The following COLEC12 variants were observed in gnomAD, a reference collection of about 807,000 sequenced individuals.
COLEC12 encodes the protein collectin subfamily member 12, also known as collectin-12.
A neutral mutation model predicts 71.1 loss-of-function variants in COLEC12; 33 were observed. The ratio of observed to expected loss-of-function variants is 0.46; its 90% CI spans 0.35 to 0.62. The LOEUF (loss-of-function observed/expected upper bound fraction) is 0.62. Among genes scored for constraint, COLEC12 ranks in the 20% least tolerant of loss-of-function variants. The pLI, the probability that COLEC12 is intolerant of heterozygous loss-of-function variation, is 0.00. For missense variants in COLEC12, 765 were observed against 916.1 expected (o/e 0.84, Z 2.13); for synonymous variants, 350 against 353.0 (o/e 0.99, Z 0.10).
chr18:319,333 A>ATATATATATATATAT lies in COLEC12; in HGVS notation c.*711_*712insATATATATATATATA, dbSNP rs1400580381. The ATATATATATATATAT allele has an allele frequency of 2.6e-4, 17 of 65,782 alleles. 1 individual carries two copies. Among genetic ancestry groups the ATATATATATATATAT allele is most frequent in the South Asian group, 1.1e-3 (2 of 1,744 alleles). The allele number at this position is 65,782 out of a possible 1,614,324, so 4.1% of individuals were successfully genotyped here. On this transcript the variant is annotated 3_prime_UTR_variant, in exon 10 of 10. Transcript: ENST00000400256. ...GGAAATGAAACATTAAAAAAAAAAAAAAAAAAAAATATATATATATATATA... is the reference window on the plus strand; with the variant it reads ...GGAAATGAAACATTAAAAAAAAAAAATATATATATATATATAAAAAAAAATATATATATATATATA...
chr18:473,583 G>A (rs540072905), intron 2 of COLEC12, among the ~76,000 whole-genome samples: 3 of 152,040 alleles, frequency 2.0e-5, no homozygotes, highest in Admixed American at 6.6e-5. Context: ...GGCTAATCTC[G>A]AACCCCTGAC....
intron 2 of COLEC12, among the ~76,000 whole-genome samples, chr18:390,394 G>GT (rs1915437563): frequency 1.3e-5 from 2 of 152,190 alleles, no homozygotes; most frequent in African/African-American, 4.8e-5. Context: ...TGTTGTTGCT[G>GT]TATGTTCCAT....
chr18:343,060 C>A (rs1293967782), intron 5 of COLEC12, among the ~76,000 whole-genome samples: 2 of 152,304 alleles, frequency 1.3e-5, no homozygotes, highest in East Asian at 3.9e-4. Context: ...CTCCCCACAG[C>A]CAATCCATCA....
chr18:472,926 G>A (rs577034247), intron 2 of COLEC12, among the ~76,000 whole-genome samples: 39 of 152,048 alleles, frequency 2.6e-4, no homozygotes, highest in Middle Eastern at 6.8e-3. Flanking sequence ...CAGAGTGGGA[G>A]GGGTGGGAGC....
At chr18:352,477 A>G (rs1368222016) in intron 3 of COLEC12, among the ~76,000 whole-genome samples, 3 of 152,198 alleles carry the variant, frequency 2.0e-5, no homozygotes, top group East Asian at 1.9e-4. Flanking sequence ...TTTGTGTAGA[A>G]TAAATACAAA....
In COLEC12 at chr18:346,051, C is replaced by T. The variant is rs1451059323; in HGVS notation, c.1327+244G>A. On this transcript the variant is annotated intron_variant, in intron 5 of 9. Transcript: ENST00000400256. This position sits in a 1 kb window ranked among gnomAD's most constrained non-coding sequence, Gnocchi z 4.0. Reference sequence around the variant, plus strand: ...TGCCAAGAGCTATGTGAACAGGCCACTTAAGTAGCAGACCCTCCAGCCACA... The same window carrying T: ...TGCCAAGAGCTATGTGAACAGGCCATTTAAGTAGCAGACCCTCCAGCCACA... 6.6e-6 allele frequency among the ~76,000 whole-genome samples: 1 copy of T among 152,332 alleles called. No homozygotes were observed. Among genetic ancestry groups the T allele is most frequent in the Non-Finnish European group, 1.5e-5 (1 of 68,030 alleles).
chr18:409,792 C>T (rs910778845), intron 2 of COLEC12, among the ~76,000 whole-genome samples: 1 of 152,138 alleles, frequency 6.6e-6, no homozygotes, highest in Non-Finnish European at 1.5e-5. Flanking sequence ...TATACACATA[C>T]CATGCATATA....
chr18:473,738 CTCTT>C (rs1179004567), intron 2 of COLEC12, among the ~76,000 whole-genome samples: 1 of 152,258 alleles, frequency 6.6e-6, no homozygotes, highest in Non-Finnish European at 1.5e-5. Flanking sequence ...AAAAGGGAAA[CTCTT>C]TCCCACTCTA....
Position 335,028 on chromosome 18 carries a change from G to A in COLEC12, c.1530C>T (p.Ser510=). The stretch of plus-strand genomic sequence containing the variant: ...GGCCGGGCTTCCCAGGGGAACCACG[G>A]GAGCCTTTGGGGCCCTGGGAGCCTT... ...GSKGSQGPKG[S]RGSPGKPGPQ... Residue 510 remains serine, a synonymous_variant, in exon 6 of 10, where the codon TCC becomes TCT. Coordinates refer to ENST00000400256, the MANE Select transcript of COLEC12 (RefSeq NM_130386.3). 6.3e-7 allele frequency: 1 copy of A among 1,592,456 alleles called. No homozygotes were observed. Among genetic ancestry groups the A allele is most frequent in the Non-Finnish European group, 8.5e-7 (1 of 1,172,922 alleles).
At chr18:459,233 G>C (rs1048494857) in intron 2 of COLEC12, among the ~76,000 whole-genome samples, 1 of 152,232 alleles carries the variant, frequency 6.6e-6, no homozygotes, top group Non-Finnish European at 1.5e-5. Context: ...GGTCTGGATT[G>C]ATTCAGGACA....
chr18:451,744 C>A (rs1225771788), intron 2 of COLEC12, among the ~76,000 whole-genome samples: 18 of 145,422 alleles, frequency 1.2e-4, no homozygotes, highest in African/African-American at 4.5e-4. Context: ...GAGACTCCAT[C>A]TCAAAAAAAA....
intron 1 of COLEC12, among the ~76,000 whole-genome samples, chr18:496,484 T>C (rs567430857): frequency 5.3e-5 from 8 of 152,358 alleles, no homozygotes; most frequent in African/African-American, 1.4e-4. Flanking sequence ...CCTCATTTTG[T>C]TTCCATTTTC....
At chr18:405,644 G>A (rs1319488122) in intron 2 of COLEC12, among the ~76,000 whole-genome samples, 2 of 152,192 alleles carry the variant, frequency 1.3e-5, no homozygotes, top group African/African-American at 2.4e-5. Flanking sequence ...TCCAACACAG[G>A]TATTTCAATC....
At chr18:389,300 C>T (rs1004812647) in intron 2 of COLEC12, among the ~76,000 whole-genome samples, 1 of 146,156 alleles carries the variant, frequency 6.8e-6, no homozygotes, top group Non-Finnish European at 1.5e-5. Flanking sequence ...GTCGCCCAGG[C>T]TGGAGCATAG....
intron 2 of COLEC12, among the ~76,000 whole-genome samples, chr18:393,698 C>T (rs1485416274): frequency 1.3e-5 from 2 of 152,204 alleles, no homozygotes; most frequent in East Asian, 3.9e-4. Context: ...GCCCGTGTGG[C>T]CTTTCATCCA....
intron 2 of COLEC12, among the ~76,000 whole-genome samples, chr18:429,841 T>C (rs1244252854): frequency 3.3e-5 from 5 of 152,170 alleles, no homozygotes; most frequent in Admixed American, 1.3e-4. Flanking sequence ...CATCCATCTA[T>C]CTACCCAAAC....
chr18:457,663 G>A (rs1158318638), intron 2 of COLEC12, among the ~76,000 whole-genome samples: 2 of 152,176 alleles, frequency 1.3e-5, no homozygotes, highest in Non-Finnish European at 2.9e-5. Context: ...CTTAAAATGA[G>A]GTGTAAATGA....
At chr18:412,164 T>C (rs1275658890) in intron 2 of COLEC12, among the ~76,000 whole-genome samples, 1 of 151,992 alleles carries the variant, frequency 6.6e-6, no homozygotes, top group South Asian at 2.1e-4. Context: ...TCAAGACACA[T>C]CCTAATTAAA....
At chr18:460,764 CTT>C (rs1916967399) in intron 2 of COLEC12, among the ~76,000 whole-genome samples, 1 of 126,604 alleles carries the variant, frequency 7.9e-6, no homozygotes. Flanking sequence ...TGCATCCTCT[CTT>C]CTTTCCTTTT....
Sources: allele counts gnomAD v4.1 joint callset (sites outside exome capture counted in the v4.1 genomes callset), GRCh38; gene constraint gnomAD v4.1.1; non-coding constraint Gnocchi (gnomAD v3.1); transcripts MANE v1.5; gene names NCBI Gene and HGNC (gene_info 2026-07-23, HGNC 2026-07-21).